Variants in SEPHS1 observed in about 807,000 individuals in gnomAD.
The protein encoded by SEPHS1 is selenophosphate synthetase 1.
Under a neutral mutation model 39.2 loss-of-function variants are expected in SEPHS1, and 7 were observed. The observed-to-expected ratio is 0.18, with a 90% CI of 0.10 to 0.34. The LOEUF is 0.34. SEPHS1 is among the 10% of genes least tolerant of loss of function. The pLI, the probability that SEPHS1 is intolerant of heterozygous loss-of-function variation, is 1.00. For missense variants in SEPHS1, 253 were observed against 514.5 expected, an observed-to-expected ratio of 0.49 and a Z score of 4.92; for synonymous variants, 190 against 195.5, an observed-to-expected ratio of 0.97 and a Z score of 0.23.
At chr10:13,327,295 CATT>C (rs1358873475) in intron 7 of SEPHS1, among the ~76,000 whole-genome samples, 2 of 108,232 alleles carry the variant, frequency 1.8e-5, no homozygotes, top group African/African-American at 7.3e-5. Context: ...ATATGGGAAA[CATT>C]AGTCATGTCA....
rs1324368634 is a variant in SEPHS1, at chr10:13,317,886, A to T, written c.*1256T>A. ...AGGAAGCCTCCACTTTACATAACAC[A>T]GAGAACACCTTTTTAGATTGCCTAT... is the stretch of plus-strand genomic sequence containing the variant. On this transcript the variant is annotated 3_prime_UTR_variant, in exon 9 of 9. Coordinates refer to ENST00000327347, the MANE Select transcript of SEPHS1 (RefSeq NM_012247.5). 2 of 152,198 alleles carry T rather than the reference A, an allele frequency of 1.3e-5. No individual in the cohort carries two copies. Among genetic ancestry groups the T allele is most frequent in the Admixed American group, 6.5e-5 (1 of 15,274 alleles). The allele number at this position is 152,198 out of a possible 1,614,324, so 9.4% of individuals were successfully genotyped here. A position where few individuals can be genotyped will look rare whatever the true frequency, so the allele number is the denominator to read the frequency against.
rs530703910 is a variant in SEPHS1, at chr10:13,317,825, G to A, written c.*1317C>T. The A allele has an allele frequency of 2.3e-4, 35 of 152,264 alleles. No homozygotes were observed. Among genetic ancestry groups the A allele is most frequent in the African/African-American group, 8.4e-4 (35 of 41,566 alleles). The allele number at this position is 152,264 out of a possible 1,614,324, so 9.4% of individuals were successfully genotyped here. ...TCCAGCGCCCTTGTGCTTAATGACA[G>A]GAATCCCTCCTCATTGCTTAGTAGG... On this transcript the variant is annotated 3_prime_UTR_variant, in exon 9 of 9. Coordinates refer to ENST00000327347, the MANE Select transcript of SEPHS1 (RefSeq NM_012247.5).
At position 13,344,923 on chromosome 10, in the gene SEPHS1, C is replaced by A; in HGVS notation, c.28G>T (p.Glu10Ter). 1 of 1,591,556 alleles carries A rather than the reference C, an allele frequency of 6.3e-7. No homozygotes were observed. The highest frequency in any genetic ancestry group is 8.6e-7 in the Non-Finnish European group (1 of 1,167,928). The change falls in exon 2 of 9, where the codon GAA becomes TAA. Residue 10 changes from glutamate to a stop codon, truncating the protein, a stop_gained. Coordinates refer to ENST00000327347, the MANE Select transcript of SEPHS1 (RefSeq NM_012247.5). LOFTEE classifies it high-confidence loss of function. ...AAGCTTTTGTCCAATTCGTAACTTT[C>A]CGGGTTAAAGGACTCCCGCGTAGAC... MSTRESFNPESYELDKSFRL... is the reference protein window; with the variant it reads MSTRESFNP
chr10:13,324,392 G>A (rs1324767361), intron 7 of SEPHS1, among the ~76,000 whole-genome samples: 1 of 152,202 alleles, frequency 6.6e-6, no homozygotes, highest in Admixed American at 6.5e-5. Context: ...ATGCTGCTAT[G>A]AACATTTGTC....
In SEPHS1 at chr10:13,327,873, A is replaced by G. The variant is rs118032388; in HGVS notation, c.751+478T>C. Among the ~76,000 whole-genome samples, 346 of 152,344 alleles carry G rather than the reference A, an allele frequency of 2.3e-3. 2 individuals are homozygous for G. The East Asian group carries it at 0.033, about 14-fold the overall frequency. ...AAACAAGTAAAAAAAATGCAAAACT[A>G]ATTTGCTGCTTAAGAACACAAGGGC... On this transcript the variant is annotated intron_variant, in intron 7 of 8. Coordinates refer to ENST00000327347, the MANE Select transcript of SEPHS1 (RefSeq NM_012247.5).
At position 13,318,515 on chromosome 10, in the gene SEPHS1, T is replaced by C. The variant is rs1833009349; in HGVS notation, c.*627A>G. The C allele has an allele frequency of 6.6e-6, 1 of 152,536 alleles. No homozygotes were observed. The highest frequency in any genetic ancestry group is 1.5e-5 in the Non-Finnish European group (1 of 68,046). 9.4% of individuals were successfully genotyped at this position (152,536 alleles called of 1,614,324 possible). On this transcript the variant is annotated 3_prime_UTR_variant, in exon 9 of 9. Transcript: ENST00000327347. ...ATCAGGAAGGCTACAAAAAAAGAAA[T>C]AAGATTTCTTTTTTGTCTTCAAAGT...
chr10:13,333,217 G>A (rs536912984), intron 5 of SEPHS1, among the ~76,000 whole-genome samples: 11 of 149,462 alleles, frequency 7.4e-5, no homozygotes, highest in East Asian at 4.0e-4. Context: ...CACTGCAGCC[G>A]CAGCCTCCTG....
At position 13,330,942 on chromosome 10, in the gene SEPHS1, C is replaced by T. The variant is rs117944996; in HGVS notation, c.561-1154G>A. On this transcript the variant is annotated intron_variant, in intron 5 of 8. Transcript: ENST00000327347. The stretch of plus-strand genomic sequence containing the variant: ...TGTTGGTTTGCTGTACCCATCAACC[C>T]GTCCTTTACATTAGGTATATCTCCT... 9.7e-3 allele frequency among the ~76,000 whole-genome samples: 1,480 copies of T among 152,030 alleles called. 12 individuals are homozygous for T. Among genetic ancestry groups the T allele is most frequent in the Non-Finnish European group, 0.017 (1,140 of 68,012 alleles).
intron 8 of SEPHS1, among the ~76,000 whole-genome samples, chr10:13,321,004 T>C (rs1239888828): frequency 6.6e-6 from 1 of 151,700 alleles, no homozygotes; most frequent in Non-Finnish European, 1.5e-5. Context: ...TTCTAGAAAA[T>C]GGTTTGTTTT....
intron 8 of SEPHS1, among the ~76,000 whole-genome samples, chr10:13,319,624 A>G (rs932215870): frequency 6.6e-6 from 1 of 152,096 alleles, no homozygotes; most frequent in Non-Finnish European, 1.5e-5. Flanking sequence ...AGTAGCTGTG[A>G]TTACAAGTGT....
chr10:13,334,360 G>A (rs1190037896), intron 4 of SEPHS1, among the ~76,000 whole-genome samples: 1 of 152,080 alleles, frequency 6.6e-6, no homozygotes, highest in Non-Finnish European at 1.5e-5. Context: ...GGCCAACATG[G>A]TGAAACCCCG....
chr10:13,334,495 C>T (rs767807705), intron 4 of SEPHS1, among the ~76,000 whole-genome samples: 10 of 152,050 alleles, frequency 6.6e-5, no homozygotes, highest in South Asian at 2.1e-4. Flanking sequence ...TAGCCAAGAT[C>T]GCATCACTGC....
intron 7 of SEPHS1, among the ~76,000 whole-genome samples, chr10:13,326,646 C>T (rs1036247850): frequency 1.3e-5 from 2 of 151,474 alleles, no homozygotes; most frequent in African/African-American, 4.9e-5. Context: ...ATCCTGGGCT[C>T]AAGTAATCCT....
At chr10:13,336,394 C>A in intron 3 of SEPHS1, 44 bp from the exon 4 acceptor site, 1 of 1,446,140 alleles carries the variant, frequency 6.9e-7, no homozygotes. Context: ...CGGGGACTTT[C>A]CATCTGCAGA....
At chr10:13,328,091 G>A (rs931223225) in intron 7 of SEPHS1, among the ~76,000 whole-genome samples, 3 of 152,126 alleles carry the variant, frequency 2.0e-5, no homozygotes, top group Non-Finnish European at 4.4e-5. Context: ...TCTTACATAG[G>A]TAACCCACAC....
intron 8 of SEPHS1, among the ~76,000 whole-genome samples, chr10:13,320,244 T>G (rs564456503): frequency 1.3e-5 from 2 of 151,592 alleles, no homozygotes; most frequent in South Asian, 2.1e-4. Flanking sequence ...TGCAGTGGTG[T>G]GATCTCGGCT....
rs185739439 is a variant in SEPHS1, at chr10:13,336,403, G to A, written c.298-53C>T. 4.5e-6 allele frequency: 6 copies of A among 1,322,860 alleles called. No homozygotes were observed. In the African/African-American group the frequency reaches 8.6e-5, roughly 19 times the overall value. The allele number at this position is 1,322,860 out of a possible 1,614,324, so 81.9% of individuals were successfully genotyped here. ...GACGACCGGGGACTTTCCATCTGCA[G>A]AAACTGAGTGAGCCATGGAGTGGAC... On this transcript the variant is annotated intron_variant, in intron 3 of 8. Transcript: ENST00000327347.
intron 5 of SEPHS1, among the ~76,000 whole-genome samples, chr10:13,330,837 AAATT>A (rs1833443193): frequency 7.3e-6 from 1 of 137,268 alleles, no homozygotes; most frequent in Non-Finnish European, 1.7e-5. Context: ...CTTTTTTTTT[AAATT>A]TTTTAAAATT....
At chr10:13,322,704 T>C (rs2131686618) in intron 8 of SEPHS1, 131 bp downstream of exon 8, 3 of 806,878 alleles carry the variant, frequency 3.7e-6, no homozygotes, top group South Asian at 3.3e-5. Context: ...CACCAGCTGC[T>C]GCGGAGGCCG....
Sources: gnomAD v4.1 joint callset for allele counts (sites outside exome capture counted in the v4.1 genomes callset) on GRCh38, gnomAD v4.1.1 for gene constraint, MANE v1.5 for transcripts, NCBI Gene and HGNC (gene_info 2026-07-23, HGNC 2026-07-21) for gene names.